THSD7B: variants seen among roughly 807,000 people sequenced by gnomAD.
The protein encoded by THSD7B is thrombospondin type-1 domain-containing protein 7B.
Under a neutral mutation model 213.6 loss-of-function variants are expected in THSD7B, and 138 were observed. The observed-to-expected ratio is 0.65, with a 90% CI of 0.56 to 0.74. The LOEUF (loss-of-function observed/expected upper bound fraction) is 0.74, where lower values mean the gene tolerates loss of function less well. THSD7B is among the 30% of genes least tolerant of loss of function. The pLI is 0.00. For synonymous variants in THSD7B, 742 were observed against 687.0 expected (o/e 1.08, Z -1.25); for missense variants, 1,931 against 1,991.5 (o/e 0.97, Z 0.58).
At chr2:137,065,662 G>A (rs1168522100) in intron 3 of THSD7B, among the ~76,000 whole-genome samples, 3 of 146,524 alleles carry the variant, frequency 2.0e-5, no homozygotes, top group African/African-American at 8.0e-5. Context: ...AACATTTTAT[G>A]TTGTTTGATT....
At chr2:137,454,659 A>C (rs571935560) in intron 15 of THSD7B, among the ~76,000 whole-genome samples, 30 of 152,242 alleles carry the variant, frequency 2.0e-4, no homozygotes, top group African/African-American at 7.0e-4. Flanking sequence ...TTTCATGTTT[A>C]AAAAATATTC....
chr2:137,664,689 A>G (rs1683415128), intron 26 of THSD7B, among the ~76,000 whole-genome samples: 1 of 152,182 alleles, frequency 6.6e-6, no homozygotes, highest in South Asian at 2.1e-4. Flanking sequence ...GTTTCACACC[A>G]CCAGCAAGTG....
intron 2 of THSD7B, among the ~76,000 whole-genome samples, chr2:136,895,419 TA>T (rs569023108): frequency 1.1e-4 from 16 of 144,188 alleles, no homozygotes; most frequent in East Asian, 6.1e-4. Flanking sequence ...ATCTCATTAA[TA>T]AAAAAAAATA....
intron 2 of THSD7B, among the ~76,000 whole-genome samples, chr2:137,004,774 T>C (rs1261602918): frequency 6.6e-6 from 1 of 152,224 alleles, no homozygotes; most frequent in Admixed American, 6.5e-5. Flanking sequence ...GAATATTTAC[T>C]CTTAACAATC....
intron 1 of THSD7B, among the ~76,000 whole-genome samples, chr2:136,779,327 TG>T (rs1681685059): frequency 6.6e-6 from 1 of 152,074 alleles, no homozygotes. Context: ...GTCCAATTTA[TG>T]ACCCAATTTC....
Position 136,882,008 on chromosome 2 carries a change from G to T in THSD7B, c.-35-136G>T, listed in dbSNP as rs1167933396. Reference sequence around the variant, plus strand: ...TGCTTTTTGTAGCTTTTCCCACAGGGTTGATATTATATGTACTATCTTCAT... The same window carrying T: ...TGCTTTTTGTAGCTTTTCCCACAGGTTTGATATTATATGTACTATCTTCAT... On this transcript the variant is annotated intron_variant, in intron 1 of 27. Transcript: ENST00000409968. 10 of 491,276 alleles carry T rather than the reference G, an allele frequency of 2.0e-5. No individual in the cohort carries two copies. In the East Asian group the frequency reaches 2.9e-4, roughly 14 times the overall value. The allele number at this position is 491,276 out of a possible 1,614,324, so 30.4% of individuals were successfully genotyped here. A position where few individuals can be genotyped will look rare whatever the true frequency, so the allele number is the denominator to read the frequency against.
intron 20 of THSD7B, among the ~76,000 whole-genome samples, chr2:137,624,325 A>G (rs1265330340): frequency 6.6e-6 from 1 of 152,224 alleles, no homozygotes; most frequent in Non-Finnish European, 1.5e-5. Context: ...ACAAAAATCA[A>G]TTCAAGATGG....
intron 13 of THSD7B, among the ~76,000 whole-genome samples, chr2:137,407,449 T>A (rs555484879): frequency 1.3e-5 from 2 of 152,162 alleles, no homozygotes; most frequent in South Asian, 2.1e-4. Flanking sequence ...TTAAAAAAAA[T>A]AAAACAGTAA....
chr2:137,579,893 C>T (rs1166558010), intron 17 of THSD7B, among the ~76,000 whole-genome samples: 1 of 152,054 alleles, frequency 6.6e-6, no homozygotes, highest in Non-Finnish European at 1.5e-5. Flanking sequence ...CTTTTAATAT[C>T]ATTTTAGTGG....
rs376949671 is a variant in THSD7B, at chr2:136,832,175, TTGTG to T, written c.-35-49945_-35-49942del. ...CAGAATCAATAGGATATACATCCTA[TTGTG>T]TGTGTGTGTGTGTGTGTGTGTGTAT... On this transcript the variant is annotated intron_variant, in intron 1 of 27. Coordinates refer to ENST00000409968, the MANE Select transcript of THSD7B (RefSeq NM_001316349.2). Among the ~76,000 whole-genome samples the T allele has an allele frequency of 2.2e-4, 16 of 72,978 alleles. 1 individual carries two copies. Among genetic ancestry groups the T allele is most frequent in the African/African-American group, 5.4e-4 (12 of 22,220 alleles). 47.9% of individuals were successfully genotyped at this position (72,978 alleles called of 152,430 possible). A position where few individuals can be genotyped will look rare whatever the true frequency, so the allele number is the denominator to read the frequency against.
chr2:136,922,241 G>A (rs936161803), intron 2 of THSD7B, among the ~76,000 whole-genome samples: 3 of 152,060 alleles, frequency 2.0e-5, no homozygotes, highest in African/African-American at 7.2e-5. Context: ...TCCAACCAGA[G>A]GGCATTTATG....
intron 12 of THSD7B, among the ~76,000 whole-genome samples, chr2:137,397,682 T>G (rs1479549778): frequency 6.6e-6 from 1 of 151,930 alleles, no homozygotes; most frequent in Non-Finnish European, 1.5e-5. Context: ...TGTGGCGTTC[T>G]CTGTATTTCC....
chr2:137,394,721 G>A lies in THSD7B; in HGVS notation c.2501-10892G>A, dbSNP rs990108360. On this transcript the variant is annotated intron_variant, in intron 12 of 27. Coordinates refer to ENST00000409968, the MANE Select transcript of THSD7B (RefSeq NM_001316349.2). ...AAGAAAGTCATTGGTAGCTTGATGG[G>A]GATGGCATTGAATCTGTAAATTACC... Among the ~76,000 whole-genome samples the A allele has an allele frequency of 1.6e-3, 221 of 138,170 alleles. 5 individuals are homozygous for A. Among genetic ancestry groups the A allele is most frequent in the Admixed American group, 4.0e-3 (57 of 14,084 alleles). The allele number at this position is 138,170 out of a possible 152,430, so 90.6% of individuals were successfully genotyped here.
At chr2:136,875,792 A>G (rs1683518847) in intron 1 of THSD7B, among the ~76,000 whole-genome samples, 1 of 152,222 alleles carries the variant, frequency 6.6e-6, no homozygotes, top group Non-Finnish European at 1.5e-5. Flanking sequence ...ACCAAGGCTT[A>G]TAGCAAACTG....
chr2:137,148,161 A>G (rs1679741772), intron 5 of THSD7B, among the ~76,000 whole-genome samples: 1 of 152,112 alleles, frequency 6.6e-6, no homozygotes, highest in Middle Eastern at 3.4e-3. Flanking sequence ...ATGAGATCTG[A>G]AGGTTTTATA....
chr2:136,767,024 G>A (rs944400055), intron 1 of THSD7B, among the ~76,000 whole-genome samples: 1 of 151,936 alleles, frequency 6.6e-6, no homozygotes, highest in South Asian at 2.1e-4. Flanking sequence ...GTGAACGTGT[G>A]TGTTTGGAGT....
At chr2:137,188,016 G>A (rs575771867) in intron 7 of THSD7B, among the ~76,000 whole-genome samples, 3 of 152,216 alleles carry the variant, frequency 2.0e-5, no homozygotes, top group African/African-American at 7.2e-5. Flanking sequence ...GACACTGTAA[G>A]ATAAGTCTCA....
intron 7 of THSD7B, among the ~76,000 whole-genome samples, chr2:137,197,714 G>T (rs1387465294): frequency 6.6e-6 from 1 of 152,164 alleles, no homozygotes; most frequent in Non-Finnish European, 1.5e-5. Flanking sequence ...GGTTCTGTGT[G>T]TTTAGGAACA....
At chr2:137,095,402 T>G (rs1688022404) in intron 4 of THSD7B, among the ~76,000 whole-genome samples, 1 of 152,164 alleles carries the variant, frequency 6.6e-6, no homozygotes, top group South Asian at 2.1e-4. Flanking sequence ...CATCCTGTGT[T>G]TGGCACATAG....
Sources: gnomAD v4.1 joint callset for allele counts (sites outside exome capture counted in the v4.1 genomes callset) on GRCh38, gnomAD v4.1.1 for gene constraint, MANE v1.5 for transcripts, NCBI Gene and HGNC (gene_info 2026-07-23, HGNC 2026-07-21) for gene names.